PLCE1: variants seen among roughly 807,000 people sequenced by gnomAD.
The protein encoded by PLCE1 is phospholipase C epsilon 1, also known as 1-phosphatidylinositol 4,5-bisphosphate phosphodiesterase epsilon-1.
PLCE1 carries 119 observed loss-of-function variants against 242.8 expected under a neutral mutation model. The observed-to-expected ratio is 0.49, with a 90% CI of 0.42 to 0.57. PLCE1 has a LOEUF of 0.57. Among genes scored for constraint, PLCE1 ranks in the 20% least tolerant of loss-of-function variants. PLCE1 has a pLI of 0.00. For missense variants in PLCE1, 2,441 were observed against 2,788.8 expected, an observed-to-expected ratio of 0.88 and a Z score of 2.81; for synonymous variants, 945 against 1,017.4, an observed-to-expected ratio of 0.93 and a Z score of 1.35.
chr10:94,121,243 T>A (rs1431988612), intron 2 of PLCE1: 1 of 152,228 alleles, frequency 6.6e-6, no homozygotes, highest in Non-Finnish European at 1.5e-5. Context: ...TGCAGGAGAC[T>A]AGGAGAGGGT....
At chr10:94,302,474 A>C (rs1241825107) in intron 24 of PLCE1, among the ~76,000 whole-genome samples, 1 of 152,190 alleles carries the variant, frequency 6.6e-6, no homozygotes, top group East Asian at 1.9e-4. Context: ...GAAAACTATT[A>C]GGGTAGACAC....
intron 2 of PLCE1, among the ~76,000 whole-genome samples, chr10:94,086,555 G>T (rs1479914741): frequency 6.6e-6 from 1 of 152,154 alleles, no homozygotes; most frequent in African/African-American, 2.4e-5. Flanking sequence ...ACCTCCTTCT[G>T]CCTGTGTTTT....
chr10:94,311,102 G>C (rs558000476), intron 27 of PLCE1, among the ~76,000 whole-genome samples: 39 of 152,178 alleles, frequency 2.6e-4, no homozygotes, highest in Non-Finnish European at 5.3e-4. Context: ...GGGAGGAGGA[G>C]TGCAGAGCTT....
intron 4 of PLCE1, among the ~76,000 whole-genome samples, chr10:94,189,274 T>G (rs1413070049): frequency 6.7e-6 from 1 of 148,338 alleles, no homozygotes; most frequent in African/African-American, 2.4e-5. Context: ...ATTAATATAG[T>G]CCATATTTAA....
intron 2 of PLCE1, chr10:94,094,778 A>C (rs1179080902): frequency 6.6e-6 from 1 of 152,156 alleles, no homozygotes; most frequent in African/African-American, 2.4e-5. Flanking sequence ...TCATGCACGT[A>C]GCTGCCACTA....
intron 1 of PLCE1, among the ~76,000 whole-genome samples, chr10:94,005,044 A>G (rs931889913): frequency 3.3e-5 from 5 of 152,248 alleles, no homozygotes; most frequent in Admixed American, 6.5e-5. Flanking sequence ...CTCATGGGAA[A>G]GAGACTTCTG....
chr10:94,280,300 T>A (rs1220727408), intron 20 of PLCE1: 3 of 294,448 alleles, frequency 1.0e-5, no homozygotes, highest in African/African-American at 2.2e-5. Context: ...CACGGCTCTG[T>A]GCTCTCTGTT....
intron 2 of PLCE1, chr10:94,104,157 A>C (rs757936595): frequency 6.6e-6 from 1 of 152,216 alleles, no homozygotes; most frequent in African/African-American, 2.4e-5. Flanking sequence ...ACTAAGATTT[A>C]TTTTATAAAC....
intron 4 of PLCE1, among the ~76,000 whole-genome samples, chr10:94,213,046 C>T (rs918309408): frequency 1.3e-5 from 2 of 152,176 alleles, no homozygotes; most frequent in African/African-American, 2.4e-5. Flanking sequence ...TTTGACTCCC[C>T]GAATTGAATT....
intron 3 of PLCE1, among the ~76,000 whole-genome samples, chr10:94,135,659 T>C (rs1395083368): frequency 6.6e-6 from 1 of 152,230 alleles, no homozygotes; most frequent in Admixed American, 6.5e-5. Flanking sequence ...ATAACACAGT[T>C]GTGATCTGCA....
At chr10:94,273,221 C>G (rs1404711041) in intron 18 of PLCE1, among the ~76,000 whole-genome samples, 10 of 152,230 alleles carry the variant, frequency 6.6e-5, no homozygotes, top group Admixed American at 6.5e-4. Flanking sequence ...TTGACTTCAT[C>G]TGAAACTAAC....
chr10:94,177,224 A>T (rs2048154582), intron 4 of PLCE1, among the ~76,000 whole-genome samples: 1 of 152,234 alleles, frequency 6.6e-6, no homozygotes, highest in South Asian at 2.1e-4. Context: ...CCATGAAATT[A>T]CTGAAAAGGT....
chr10:94,204,025 C>T (rs1416006132), intron 4 of PLCE1, among the ~76,000 whole-genome samples: 1 of 152,026 alleles, frequency 6.6e-6, no homozygotes, highest in Non-Finnish European at 1.5e-5. Context: ...GCATTGGACT[C>T]TTTGTTAACA....
chr10:94,247,763 C>T (rs764544511), intron 8 of PLCE1, among the ~76,000 whole-genome samples: 10 of 152,156 alleles, frequency 6.6e-5, no homozygotes, highest in South Asian at 2.1e-4. Flanking sequence ...ATTAACCCTA[C>T]GTTATCAGGT....
At chr10:94,233,006 G>T (rs1055462254) in intron 5 of PLCE1, among the ~76,000 whole-genome samples, 1 of 152,144 alleles carries the variant, frequency 6.6e-6, no homozygotes, top group Non-Finnish European at 1.5e-5. Context: ...ACAGAAAGGT[G>T]AGCTCTCCCA....
chr10:94,084,034 A>G (rs950019369), intron 2 of PLCE1, among the ~76,000 whole-genome samples: 1 of 152,178 alleles, frequency 6.6e-6, no homozygotes, highest in Non-Finnish European at 1.5e-5. Context: ...ACTTAGCACC[A>G]TGGGGTGCTT....
At chr10:94,122,993 C>T (rs2046341124) in intron 2 of PLCE1, among the ~76,000 whole-genome samples, 1 of 152,066 alleles carries the variant, frequency 6.6e-6, no homozygotes, top group Non-Finnish European at 1.5e-5. Context: ...CCATTGCTTG[C>T]AGCATGCTAA....
intron 4 of PLCE1, among the ~76,000 whole-genome samples, chr10:94,218,707 T>G (rs2049612524): frequency 6.6e-6 from 1 of 151,772 alleles, no homozygotes; most frequent in African/African-American, 2.4e-5. Context: ...AGGCATGCAG[T>G]AACTGTTTGT....
At chr10:94,182,493 C>T (rs2048346484) in intron 4 of PLCE1, among the ~76,000 whole-genome samples, 1 of 151,294 alleles carries the variant, frequency 6.6e-6, no homozygotes, top group Admixed American at 6.6e-5. Flanking sequence ...TGGCCTCAAA[C>T]TCCTGGCCTT....
Sources: gnomAD v4.1 joint callset for allele counts (sites outside exome capture counted in the v4.1 genomes callset) on GRCh38, gnomAD v4.1.1 for gene constraint, MANE v1.5 for transcripts, NCBI Gene and HGNC (gene_info 2026-07-23, HGNC 2026-07-21) for gene names.